HCN1: variants seen among roughly 807,000 people sequenced by gnomAD.
The protein encoded by HCN1 is potassium/sodium hyperpolarization-activated cyclic nucleotide-gated channel 1.
HCN1 carries 13 observed loss-of-function variants against 78.9 expected under a neutral mutation model. The observed-to-expected ratio is 0.16, with a 90% CI of 0.11 to 0.26. The LOEUF is 0.26. Among genes scored for constraint, HCN1 ranks in the 10% least tolerant of loss-of-function variants. HCN1 has a pLI of 1.00. For synonymous variants in HCN1, 552 were observed against 455.5 expected, an observed-to-expected ratio of 1.21 and a Z score of -2.70; for missense variants, 810 against 1,154.3, an observed-to-expected ratio of 0.70 and a Z score of 4.32.
intron 1 of HCN1, among the ~76,000 whole-genome samples, chr5:45,664,463 TAAAAAAAAGAAAAA>T (rs1430008875): frequency 3.1e-5 from 3 of 97,300 alleles, no homozygotes; most frequent in South Asian, 6.2e-4. Flanking sequence ...ATAATAATAA[TAAAAAAAAGAAAAA>T]AAAAAAAAGA....
intron 4 of HCN1, among the ~76,000 whole-genome samples, chr5:45,377,978 G>A (rs1001174357): frequency 5.9e-5 from 9 of 151,922 alleles, no homozygotes; most frequent in African/African-American, 2.2e-4. Context: ...ATACATTAAT[G>A]AATTATGTGT....
At chr5:45,347,970 A>G (rs1579829220) in intron 5 of HCN1, among the ~76,000 whole-genome samples, 2 of 152,220 alleles carry the variant, frequency 1.3e-5, no homozygotes, top group African/African-American at 2.4e-5. Context: ...AACTTCCCCA[A>G]TCTAGCAAAG....
At chr5:45,606,453 C>T (rs1003075815) in intron 2 of HCN1, among the ~76,000 whole-genome samples, 1 of 151,898 alleles carries the variant, frequency 6.6e-6, no homozygotes, top group Non-Finnish European at 1.5e-5. Flanking sequence ...ATGCTAAGCT[C>T]TAGGGGCTTA....
At chr5:45,578,357 C>G (rs1467221747) in intron 2 of HCN1, among the ~76,000 whole-genome samples, 1 of 151,896 alleles carries the variant, frequency 6.6e-6, no homozygotes, top group Non-Finnish European at 1.5e-5. Flanking sequence ...TAGATTCAGG[C>G]TTGACAGTGA....
At chr5:45,303,219 C>T (rs1477190001) in intron 6 of HCN1, among the ~76,000 whole-genome samples, 1 of 152,048 alleles carries the variant, frequency 6.6e-6, no homozygotes, top group Non-Finnish European at 1.5e-5. Flanking sequence ...ATTATTTCTG[C>T]CCCATTATAT....
chr5:45,505,669 C>T (rs1445155531), intron 2 of HCN1, among the ~76,000 whole-genome samples: 1 of 152,020 alleles, frequency 6.6e-6, no homozygotes, highest in African/African-American at 2.4e-5. Context: ...AATCTGGATG[C>T]ATATATATTT....
chr5:45,674,835 G>A (rs1321697764), intron 1 of HCN1, among the ~76,000 whole-genome samples: 1 of 151,732 alleles, frequency 6.6e-6, no homozygotes, highest in East Asian at 1.9e-4. Context: ...TAACACTTTG[G>A]AAGGCTAAGG....
At chr5:45,266,966 C>T (rs1191461552) in intron 7 of HCN1, 123 bp downstream of exon 7, 1 of 861,486 alleles carries the variant, frequency 1.2e-6, no homozygotes, top group African/African-American at 1.7e-5. Flanking sequence ...GCCTTGGCCT[C>T]CCAAAGTGAT....
intron 4 of HCN1, among the ~76,000 whole-genome samples, chr5:45,395,116 C>A (rs1739662144): frequency 6.6e-6 from 1 of 151,712 alleles, no homozygotes; most frequent in East Asian, 1.9e-4. Flanking sequence ...GGAAGTTAAA[C>A]ATTTGTTTTC....
chr5:45,571,699 G>GA (rs1743840134), intron 2 of HCN1, among the ~76,000 whole-genome samples: 1 of 152,160 alleles, frequency 6.6e-6, no homozygotes, highest in Non-Finnish European at 1.5e-5. Context: ...TGGATCACCT[G>GA]AAGTCAGTAG....
chr5:45,379,459 G>C (rs1346701856), intron 4 of HCN1, among the ~76,000 whole-genome samples: 1 of 148,184 alleles, frequency 6.7e-6, no homozygotes, highest in Non-Finnish European at 1.5e-5. Flanking sequence ...GTTTGTGTAT[G>C]TTTGAAACTA....
At position 45,491,700 on chromosome 5, in the gene HCN1, C is replaced by T. The variant is rs543161170; in HGVS notation, c.850-29693G>A. On this transcript the variant is annotated intron_variant, in intron 2 of 7. Coordinates refer to ENST00000303230, the MANE Select transcript of HCN1 (RefSeq NM_021072.4). ...GTTGAATAACGTAATTCCAACACTT[C>T]GTGTCCTTTATTTTAGCTGGAAAAA... Among the ~76,000 whole-genome samples the T allele has an allele frequency of 7.4e-4, 112 of 152,196 alleles. 1 individual carries two copies. The highest frequency in any genetic ancestry group is 2.3e-3 in the African/African-American group (96 of 41,544).
intron 2 of HCN1, among the ~76,000 whole-genome samples, chr5:45,617,770 T>C (rs1203274750): frequency 7.0e-6 from 1 of 142,934 alleles, no homozygotes; most frequent in Non-Finnish European, 1.6e-5. Context: ...TACTAAGGAG[T>C]AACCATTATT....
intron 3 of HCN1, among the ~76,000 whole-genome samples, chr5:45,439,203 A>G (rs781567701): frequency 5.9e-5 from 9 of 152,140 alleles, no homozygotes; most frequent in Non-Finnish European, 1.3e-4. Flanking sequence ...CTGGAAGGTC[A>G]CTAAGAAATA....
At chr5:45,293,101 G>T (rs1745412519) in intron 6 of HCN1, among the ~76,000 whole-genome samples, 1 of 151,884 alleles carries the variant, frequency 6.6e-6, no homozygotes, top group African/African-American at 2.4e-5. Context: ...ACATTCCTTT[G>T]AGTATATACC....
chr5:45,385,847 C>T (rs372713935), intron 4 of HCN1, among the ~76,000 whole-genome samples: 3 of 152,238 alleles, frequency 2.0e-5, no homozygotes, highest in African/African-American at 4.8e-5. Context: ...TGGACACAGC[C>T]GTTGTGTGAC....
At chr5:45,358,781 A>T (rs1747056532) in intron 4 of HCN1, among the ~76,000 whole-genome samples, 1 of 152,146 alleles carries the variant, frequency 6.6e-6, no homozygotes, top group South Asian at 2.1e-4. Flanking sequence ...ATAAAGTGAA[A>T]TAAATAACAG....
chr5:45,371,797 A>C (rs924235011), intron 4 of HCN1, among the ~76,000 whole-genome samples: 1 of 139,748 alleles, frequency 7.2e-6, no homozygotes, highest in African/African-American at 2.6e-5. Context: ...ACACACATAC[A>C]CACACAAGGT....
chr5:45,314,753 G>T (rs889386743), intron 5 of HCN1, among the ~76,000 whole-genome samples: 3 of 152,080 alleles, frequency 2.0e-5, no homozygotes, highest in African/African-American at 7.2e-5. Context: ...AAAAAGGCAG[G>T]AGTTGCAATC....
Sources: allele counts gnomAD v4.1 joint callset (sites outside exome capture counted in the v4.1 genomes callset), GRCh38; gene constraint gnomAD v4.1.1; transcripts MANE v1.5; gene names NCBI Gene and HGNC (gene_info 2026-07-23, HGNC 2026-07-21).